TAOK3: variants seen among roughly 807,000 people sequenced by gnomAD.
TAOK3 encodes TAO kinase 3, also known as serine/threonine-protein kinase TAO3.
Under a neutral mutation model 120.4 loss-of-function variants are expected in TAOK3, and 40 were observed. The ratio of observed to expected loss-of-function variants is 0.33; its 90% CI spans 0.26 to 0.43. The LOEUF (loss-of-function observed/expected upper bound fraction) is 0.43, where lower values mean the gene tolerates loss of function less well. Among genes scored for constraint, TAOK3 ranks in the 20% least tolerant of loss-of-function variants. TAOK3 has a pLI of 1.00. For synonymous variants in TAOK3, 355 were observed against 387.5 expected (o/e 0.92, Z 0.99); for missense variants, 821 against 1,112.1 (o/e 0.74, Z 3.72).
chr12:118,178,315 C>T (rs1277752576), intron 15 of TAOK3, among the ~76,000 whole-genome samples: 1 of 152,076 alleles, frequency 6.6e-6, no homozygotes, highest in South Asian at 2.1e-4. Context: ...TGTTGATAGC[C>T]CAAAGGTTAA....
intron 11 of TAOK3, among the ~76,000 whole-genome samples, chr12:118,212,529 A>AATCCC (rs1337683700): frequency 6.6e-6 from 1 of 152,216 alleles, no homozygotes; most frequent in Non-Finnish European, 1.5e-5. Context: ...CCTAACTGAA[A>AATCCC]ATCCCAGAGT....
intron 1 of TAOK3, among the ~76,000 whole-genome samples, chr12:118,344,561 T>C (rs939284413): frequency 6.6e-6 from 1 of 152,114 alleles, no homozygotes; most frequent in Non-Finnish European, 1.5e-5. Context: ...AAAAAATACA[T>C]GGCAATTGGA....
chr12:118,176,003 G>A (rs897354340), intron 16 of TAOK3, among the ~76,000 whole-genome samples: 2 of 152,216 alleles, frequency 1.3e-5, no homozygotes. Flanking sequence ...ATGCTTACCA[G>A]TTAGTAGAGT....
chr12:118,246,330 C>A, intron 3 of TAOK3: 1 of 1,601,078 alleles, frequency 6.2e-7, no homozygotes. Flanking sequence ...GGAGATCTAT[C>A]TCTTCTCCCT....
intron 1 of TAOK3, among the ~76,000 whole-genome samples, chr12:118,323,269 C>G (rs977726818): frequency 1.3e-5 from 2 of 152,022 alleles, no homozygotes; most frequent in African/African-American, 4.8e-5. Context: ...AACAGGGTCT[C>G]AAAAACAGAA....
intron 17 of TAOK3, among the ~76,000 whole-genome samples, chr12:118,168,381 C>T (rs762711573): frequency 2.0e-5 from 3 of 152,116 alleles, no homozygotes; most frequent in Admixed American, 6.5e-5. Flanking sequence ...TGTAACTATG[C>T]GGAGGTAATG....
At chr12:118,257,660 G>C (rs2041048258) in intron 2 of TAOK3, among the ~76,000 whole-genome samples, 1 of 145,716 alleles carries the variant, frequency 6.9e-6, no homozygotes, top group Admixed American at 6.8e-5. Context: ...CTCATGCTAG[G>C]AGAAGAAAAA....
At chr12:118,340,584 ACTTT>A (rs1318931577) in intron 1 of TAOK3, among the ~76,000 whole-genome samples, 5 of 152,140 alleles carry the variant, frequency 3.3e-5, no homozygotes, top group African/African-American at 7.2e-5. Context: ...TATTTTTTGG[ACTTT>A]CTAATTATAG....
In TAOK3 at chr12:118,255,504, C is replaced by G; in HGVS notation, c.64G>C (p.Glu22Gln). The G allele has an allele frequency of 6.2e-7, 1 of 1,614,128 alleles. No individual in the cohort carries two copies. The stretch of plus-strand genomic sequence containing the variant: ...ATTTCATGCAAACCAATAAAAAGTT[C>G]CTCAGGATCATCTTTGTAGAATAGA... ...ADLFYKDDPE[E>Q]LFIGLHEIGH... Residue 22 changes from glutamate to glutamine, a missense_variant, in exon 3 of 21, where the codon GAA becomes CAA. Around this residue, in one of 2 missense-constraint regions of TAOK3, gnomAD observed 467 missense variants for 540.0 expected, o/e 0.86. Coordinates refer to ENST00000392533, the MANE Select transcript of TAOK3 (RefSeq NM_016281.4).
chr12:118,339,297 T>C (rs1020212104), intron 1 of TAOK3, among the ~76,000 whole-genome samples: 7 of 138,152 alleles, frequency 5.1e-5, no homozygotes, highest in Non-Finnish European at 1.1e-4. Flanking sequence ...TTTTTTTTTT[T>C]TTTTGAGATG....
At chr12:118,361,373 T>A (rs1043242811) in intron 1 of TAOK3, among the ~76,000 whole-genome samples, 1 of 152,058 alleles carries the variant, frequency 6.6e-6, no homozygotes, top group African/African-American at 2.4e-5. Context: ...TCAAGGCTGC[T>A]CCAAGAAAAA....
intron 11 of TAOK3, among the ~76,000 whole-genome samples, chr12:118,209,782 C>T (rs547453557): frequency 4.8e-4 from 73 of 150,840 alleles, no homozygotes; most frequent in Non-Finnish European, 8.5e-4. Flanking sequence ...GGCAGGATCT[C>T]GGCTCACTGC....
chr12:118,249,940 C>A (rs1007129861), intron 3 of TAOK3, among the ~76,000 whole-genome samples: 10 of 152,076 alleles, frequency 6.6e-5, no homozygotes, highest in East Asian at 5.8e-4. Context: ...TAGAATTAAA[C>A]TATTTGCTTT....
At chr12:118,350,199 G>A (rs778439182) in intron 1 of TAOK3, among the ~76,000 whole-genome samples, 10 of 152,112 alleles carry the variant, frequency 6.6e-5, no homozygotes, top group South Asian at 2.1e-4. Context: ...TTGGGGCCAC[G>A]TAGCACTTAT....
At chr12:118,302,074 G>A (rs1221989716) in intron 1 of TAOK3, among the ~76,000 whole-genome samples, 1 of 152,090 alleles carries the variant, frequency 6.6e-6, no homozygotes, top group Non-Finnish European at 1.5e-5. Flanking sequence ...TTTTTGATCT[G>A]TTTTGGTTTT....
At chr12:118,359,238 ACT>A (rs932441419) in intron 1 of TAOK3, 3 of 152,144 alleles carry the variant, frequency 2.0e-5, no homozygotes, top group Admixed American at 6.6e-5. Flanking sequence ...TTTAGAAAGA[ACT>A]CTCTAAAAAT....
chr12:118,223,292 C>T (rs2039337185), intron 9 of TAOK3, among the ~76,000 whole-genome samples: 2 of 151,144 alleles, frequency 1.3e-5, no homozygotes, highest in South Asian at 4.2e-4. Flanking sequence ...ATCTCCTAAC[C>T]TCGTGATCCG....
intron 1 of TAOK3, among the ~76,000 whole-genome samples, chr12:118,324,283 G>A (rs1016338074): frequency 5.3e-5 from 8 of 152,154 alleles, no homozygotes; most frequent in African/African-American, 1.9e-4. Flanking sequence ...TGAGGCAGGA[G>A]ACAGTCTTTT....
At chr12:118,326,264 A>C (rs1378681168) in intron 1 of TAOK3, among the ~76,000 whole-genome samples, 1 of 152,178 alleles carries the variant, frequency 6.6e-6, no homozygotes, top group East Asian at 1.9e-4. Context: ...TGAAGAGATT[A>C]TCCTTTCTCC....
Sources: gnomAD v4.1 joint callset for allele counts (sites outside exome capture counted in the v4.1 genomes callset) on GRCh38, gnomAD v4.1.1 for gene constraint, gnomAD v4.1.1 regional missense constraint, MANE v1.5 for transcripts, NCBI Gene and HGNC (gene_info 2026-07-23, HGNC 2026-07-21) for gene names.